TBXAS1: variants seen among roughly 807,000 people sequenced by gnomAD.
TBXAS1 encodes thromboxane-A synthase.
TBXAS1 carries 48 observed loss-of-function variants against 60.7 expected under a neutral mutation model. That is an observed-to-expected ratio of 0.79 (90% confidence interval 0.63 to 1.01). The LOEUF (loss-of-function observed/expected upper bound fraction) is 1.01, where lower values mean the gene tolerates loss of function less well. Ranked by LOEUF, TBXAS1 falls within the 50% of genes least tolerant of loss-of-function variation. TBXAS1 has a pLI of 0.00. For synonymous variants in TBXAS1, 287 were observed against 269.7 expected (o/e 1.06, Z -0.63); for missense variants, 685 against 686.3 (o/e 1.00, Z 0.02).
intron 4 of TBXAS1, among the ~76,000 whole-genome samples, chr7:139,930,949 A>G (rs1807276159): frequency 6.6e-6 from 1 of 151,018 alleles, no homozygotes; most frequent in South Asian, 2.1e-4. Flanking sequence ...AGAGAGAACA[A>G]CTCCTAGGTT....
chr7:139,874,278 G>T (rs1030746582), intron 2 of TBXAS1, among the ~76,000 whole-genome samples: 3 of 152,102 alleles, frequency 2.0e-5, no homozygotes, highest in Non-Finnish European at 4.4e-5. Context: ...TAAAGAAAAT[G>T]CATTTCACAC....
At chr7:139,969,917 T>C (rs1307838809) in intron 9 of TBXAS1, among the ~76,000 whole-genome samples, 1 of 152,170 alleles carries the variant, frequency 6.6e-6, no homozygotes, top group Non-Finnish European at 1.5e-5. Context: ...CTTACAGCCC[T>C]AATGTTGAAT....
At chr7:139,901,040 G>A (rs1302482580) in intron 3 of TBXAS1, among the ~76,000 whole-genome samples, 1 of 152,158 alleles carries the variant, frequency 6.6e-6, no homozygotes, top group African/African-American at 2.4e-5. Flanking sequence ...TGCGAGGGTG[G>A]TTCCTCAAGA....
chr7:139,995,159 G>A (rs139610762), intron 9 of TBXAS1, among the ~76,000 whole-genome samples: 16 of 152,262 alleles, frequency 1.1e-4, no homozygotes, highest in Middle Eastern at 6.8e-3. Context: ...GAGCATGGGC[G>A]GTAAGAGGAG....
At chr7:139,857,273 A>G (rs1161495867) in intron 1 of TBXAS1, among the ~76,000 whole-genome samples, 2 of 152,224 alleles carry the variant, frequency 1.3e-5, no homozygotes, top group African/African-American at 4.8e-5. Context: ...GCTGCTTTTT[A>G]CATTTTAAAA....
At chr7:139,911,350 G>A in intron 4 of TBXAS1, 29 bp downstream of exon 4, 1 of 1,563,756 alleles carries the variant, frequency 6.4e-7, no homozygotes, top group Non-Finnish European at 8.8e-7. Context: ...GCATATAGAT[G>A]GATGGGGAAT....
intron 1 of TBXAS1, among the ~76,000 whole-genome samples, chr7:139,840,527 A>G (rs547077880): frequency 6.6e-6 from 1 of 152,160 alleles, no homozygotes; most frequent in Non-Finnish European, 1.5e-5. Flanking sequence ...CGTCTTTGCT[A>G]AAGTACTGCT....
chr7:139,966,435 T>C (rs1311082661), intron 9 of TBXAS1, among the ~76,000 whole-genome samples: 1 of 152,242 alleles, frequency 6.6e-6, no homozygotes, highest in Non-Finnish European at 1.5e-5. Flanking sequence ...CCTTCAGGTA[T>C]GGCTTGATTC....
chr7:139,791,066 A>G (rs915695888), intron 4 of TBXAS1, among the ~76,000 whole-genome samples: 16 of 152,192 alleles, frequency 1.1e-4, no homozygotes, highest in Admixed American at 3.3e-4. Flanking sequence ...GGCCTCCCAA[A>G]GTGCTGGGAT....
At chr7:139,808,435 A>G (rs1443133596) in intron 4 of TBXAS1, among the ~76,000 whole-genome samples, 3 of 152,134 alleles carry the variant, frequency 2.0e-5, no homozygotes, top group African/African-American at 7.2e-5. Flanking sequence ...TATCTTTAGT[A>G]TTTTGTATTT....
At chr7:139,839,933 G>A (rs1222062787) in intron 1 of TBXAS1, among the ~76,000 whole-genome samples, 1 of 140,788 alleles carries the variant, frequency 7.1e-6, no homozygotes, top group African/African-American at 2.7e-5. Context: ...GCAATGAGCC[G>A]AGATCACACC....
chr7:139,961,860 A>G, intron 8 of TBXAS1, 59 bp from the exon 9 acceptor site: 1 of 1,601,060 alleles, frequency 6.2e-7, no homozygotes, highest in South Asian at 1.1e-5. Flanking sequence ...TTCTCCAGGA[A>G]GCCTCACTCT....
At chr7:139,855,264 A>G (rs1800503525) in intron 1 of TBXAS1, among the ~76,000 whole-genome samples, 1 of 152,178 alleles carries the variant, frequency 6.6e-6, no homozygotes, top group Non-Finnish European at 1.5e-5. Flanking sequence ...ACAGAAAACA[A>G]ACTAAGACAG....
At chr7:139,901,674 G>A (rs556003359) in intron 3 of TBXAS1, among the ~76,000 whole-genome samples, 1 of 152,182 alleles carries the variant, frequency 6.6e-6, no homozygotes, top group African/African-American at 2.4e-5. Flanking sequence ...CCACCCCAGA[G>A]ACTCTGGTCT....
At chr7:139,866,461 G>C (rs1801424556) in intron 1 of TBXAS1, among the ~76,000 whole-genome samples, 1 of 151,956 alleles carries the variant, frequency 6.6e-6, no homozygotes, top group Non-Finnish European at 1.5e-5. Flanking sequence ...ATAAATAGAA[G>C]TAGAGAAATA....
intron 1 of TBXAS1, among the ~76,000 whole-genome samples, chr7:139,846,870 G>A (rs1013670047): frequency 9.9e-5 from 15 of 152,024 alleles, no homozygotes; most frequent in African/African-American, 3.6e-4. Context: ...AGTGCGGCAG[G>A]TTTAGAAATG....
At chr7:139,813,534 T>C (rs1418237250) in intron 4 of TBXAS1, among the ~76,000 whole-genome samples, 4 of 152,242 alleles carry the variant, frequency 2.6e-5, no homozygotes, top group Non-Finnish European at 5.9e-5. Flanking sequence ...GGTTATGTTA[T>C]ATCCTGCTTC....
Position 139,975,924 on chromosome 7 carries a change from G to T in TBXAS1, c.1134+13691G>T, listed in dbSNP as rs1811531129. Among the ~76,000 whole-genome samples, 1 of 152,180 alleles carries T rather than the reference G, an allele frequency of 6.6e-6. No individual in the cohort carries two copies. The highest frequency in any genetic ancestry group is 2.4e-5 in the African/African-American group (1 of 41,440). On this transcript the variant is annotated intron_variant, in intron 9 of 12. Coordinates refer to ENST00000448866, the MANE Select transcript of TBXAS1 (RefSeq NM_001061.7). The surrounding 1 kb of genome is among the most constrained non-coding windows in gnomAD (Gnocchi z 4.4). The stretch of plus-strand genomic sequence containing the variant: ...TCCTGAAACAGAGACGTCACCCAGG[G>T]TTGCTTTCTGCCACAGCAGGCACTC...
intron 1 of TBXAS1, among the ~76,000 whole-genome samples, chr7:139,850,036 G>A (rs763758049): frequency 5.3e-5 from 8 of 152,178 alleles, no homozygotes; most frequent in Non-Finnish European, 8.8e-5. Flanking sequence ...TTGCCCTTCC[G>A]GAAACCACCC....
Sources: gnomAD v4.1 joint callset for allele counts (sites outside exome capture counted in the v4.1 genomes callset) on GRCh38, gnomAD v4.1.1 for gene constraint, Gnocchi (gnomAD v3.1) non-coding constraint, MANE v1.5 for transcripts, NCBI Gene and HGNC (gene_info 2026-07-23, HGNC 2026-07-21) for gene names.